Variants in IQGAP2 observed in about 807,000 individuals in gnomAD.
IQGAP2 encodes ras GTPase-activating-like protein IQGAP2.
IQGAP2 carries 173 observed loss-of-function variants against 201.3 expected under a neutral mutation model. The observed-to-expected ratio is 0.86, with a 90% CI of 0.76 to 0.98. The LOEUF (loss-of-function observed/expected upper bound fraction) is 0.98. Among genes scored for constraint, IQGAP2 ranks in the 50% least tolerant of loss-of-function variants. The pLI is 0.00. For synonymous variants in IQGAP2, 675 were observed against 673.9 expected (o/e 1.00, Z -0.03); for missense variants, 1,687 against 1,864.8 (o/e 0.90, Z 1.76).
chr5:76,691,017 A>T (rs1413362247), intron 30 of IQGAP2, among the ~76,000 whole-genome samples: 1 of 152,252 alleles, frequency 6.6e-6, no homozygotes, highest in Non-Finnish European at 1.5e-5. Flanking sequence ...ACCTACAAGG[A>T]TTATATAACT....
intron 9 of IQGAP2, 54 bp downstream of exon 9, chr5:76,592,979 C>T: frequency 8.3e-7 from 1 of 1,207,244 alleles, no homozygotes; most frequent in Non-Finnish European, 1.2e-6. Context: ...TACAGACTTT[C>T]CTTGCCAGAA....
Position 76,658,474 on chromosome 5 carries a change from C to A in IQGAP2, c.2336C>A (p.Pro779Gln). The A allele has an allele frequency of 6.2e-7, 1 of 1,613,740 alleles. No individual in the cohort carries two copies. Among genetic ancestry groups the A allele is most frequent in the South Asian group, 1.1e-5 (1 of 90,984 alleles). The change falls in exon 21 of 36, where the codon CCA becomes CAA. Residue 779 changes from proline to glutamine, a missense_variant. Pro to Gln is a moderately conservative substitution (Grantham distance 76). Coordinates refer to ENST00000274364, the MANE Select transcript of IQGAP2 (RefSeq NM_006633.5). ...GTCACTGCAGTTGGCTCTGAAAACC[C>A]ACCATTAACAGTAATTCGCAAATTT... ...DYKTLVGSEN[P>Q]PLTVIRKFVY...
At chr5:76,493,361 T>A (rs1057351435) in intron 2 of IQGAP2, among the ~76,000 whole-genome samples, 1 of 147,916 alleles carries the variant, frequency 6.8e-6, no homozygotes, top group Non-Finnish European at 1.5e-5. Flanking sequence ...CTCTCACCCC[T>A]ATAAAGCTCC....
In IQGAP2 at chr5:76,430,641, G is replaced by A. The variant is rs567762396; in HGVS notation, c.46+27050G>A. Among the ~76,000 whole-genome samples the A allele has an allele frequency of 3.9e-5, 6 of 152,330 alleles. No homozygotes were observed. The South Asian group carries it at 1.2e-3, about 32-fold the overall frequency. ...CACGTCTCCCCAGATTCAAGGAGAA[G>A]GGACCCACCTCTCACTGGAAGGACT... is the stretch of plus-strand genomic sequence containing the variant. On this transcript the variant is annotated intron_variant, in intron 1 of 35. Transcript: ENST00000274364.
chr5:76,648,000 C>G (rs1373600434), intron 17 of IQGAP2, among the ~76,000 whole-genome samples: 1 of 152,170 alleles, frequency 6.6e-6, no homozygotes, highest in Non-Finnish European at 1.5e-5. Context: ...CCCTCCCTCT[C>G]CCTGCTAGAG....
At chr5:76,638,907 A>G (rs114790677) in intron 16 of IQGAP2, among the ~76,000 whole-genome samples, 2,461 of 152,314 alleles carry the variant, frequency 0.016, 67 homozygotes, top group African/African-American at 0.056. Context: ...GTGGGCAGCC[A>G]TGAAGAAACA....
chr5:76,465,696 G>A (rs1754733924), intron 2 of IQGAP2, among the ~76,000 whole-genome samples: 1 of 152,204 alleles, frequency 6.6e-6, no homozygotes, highest in Non-Finnish European at 1.5e-5. Context: ...CATCATGGTT[G>A]TAGGATACTA....
At chr5:76,706,767 C>T (rs577583397) in intron 35 of IQGAP2, among the ~76,000 whole-genome samples, 64 of 152,336 alleles carry the variant, frequency 4.2e-4, no homozygotes, top group Non-Finnish European at 8.4e-4. Flanking sequence ...TACTTTCATA[C>T]AGCCCTTATC....
At chr5:76,509,984 C>CA (rs1326249697) in intron 2 of IQGAP2, among the ~76,000 whole-genome samples, 3 of 138,080 alleles carry the variant, frequency 2.2e-5, no homozygotes, top group East Asian at 4.3e-4. Flanking sequence ...AATTTTCTTT[C>CA]TTTTTTTTTT....
intron 17 of IQGAP2, 151 bp downstream of exon 17, chr5:76,641,254 AG>A: frequency 1.7e-6 from 1 of 593,270 alleles, no homozygotes; most frequent in Non-Finnish European, 2.9e-6. Flanking sequence ...TACTTCACTA[AG>A]GCTTTAAAAT....
At chr5:76,673,398 T>A (rs773977225) in intron 24 of IQGAP2, 51 bp from the exon 25 acceptor site, 1 of 1,579,226 alleles carries the variant, frequency 6.3e-7, no homozygotes, top group Non-Finnish European at 8.6e-7. Flanking sequence ...GGCAGCAAAA[T>A]TAATGCTTGT....
intron 11 of IQGAP2, among the ~76,000 whole-genome samples, chr5:76,601,546 T>C (rs996570102): frequency 2.6e-5 from 4 of 152,226 alleles, no homozygotes; most frequent in African/African-American, 4.8e-5. Flanking sequence ...TATAAAACAC[T>C]ATAGCGGATC....
chr5:76,446,076 A>G (rs1323738795), intron 1 of IQGAP2, among the ~76,000 whole-genome samples: 1 of 152,166 alleles, frequency 6.6e-6, no homozygotes, highest in African/African-American at 2.4e-5. Context: ...CATTTTGCTT[A>G]TCTGCTTGTC....
intron 11 of IQGAP2, among the ~76,000 whole-genome samples, chr5:76,604,935 G>A (rs1747697247): frequency 6.6e-6 from 1 of 152,102 alleles, no homozygotes; most frequent in Non-Finnish European, 1.5e-5. Flanking sequence ...TCACAACCAA[G>A]AAAACAGTTT....
In IQGAP2 at chr5:76,640,940, T is replaced by C. The variant is rs1213905659; in HGVS notation, c.1931T>C (p.Ile644Thr). 5 of 1,584,066 alleles carry C rather than the reference T, an allele frequency of 3.2e-6. No individual in the cohort carries two copies. The East Asian group carries it at 6.8e-5, about 22-fold the overall frequency. The change falls in exon 17 of 36, where the codon ATT becomes ACT. Residue 644 changes from isoleucine (I) to threonine (T), a missense_variant. By Grantham distance (89) the Ile-to-Thr change is moderately conservative. Coordinates refer to ENST00000274364, the MANE Select transcript of IQGAP2 (RefSeq NM_006633.5). Reference sequence around the variant, plus strand: ...AGAAATATCTCTTGCCAGGACATTATTGAGGAAGTCACAGTAGGTTACATT... The same window carrying C: ...AGAAATATCTCTTGCCAGGACATTACTGAGGAAGTCACAGTAGGTTACATT... ...WLTGKEIEDI[I>T]EEVTVGYIRE...
intron 2 of IQGAP2, among the ~76,000 whole-genome samples, chr5:76,544,621 CTT>C (rs1287260213): frequency 6.6e-6 from 1 of 152,170 alleles, no homozygotes; most frequent in Non-Finnish European, 1.5e-5. Flanking sequence ...AATTGGAACA[CTT>C]TACTTCTTAA....
intron 13 of IQGAP2, 58 bp from the exon 14 acceptor site, chr5:76,627,348 TATTA>T (rs1421553480): frequency 2.1e-5 from 23 of 1,083,960 alleles, no homozygotes; most frequent in East Asian, 7.1e-5. Context: ...CAAAAGCAGT[TATTA>T]ATTCTGTTTC....
intron 1 of IQGAP2, among the ~76,000 whole-genome samples, chr5:76,435,470 T>C (rs1027154210): frequency 1.3e-5 from 2 of 152,150 alleles, no homozygotes; most frequent in African/African-American, 4.8e-5. Context: ...CCAGTTTATG[T>C]TTTTGTATGT....
At chr5:76,704,573 G>A (rs1348169419) in intron 35 of IQGAP2, among the ~76,000 whole-genome samples, 1 of 152,188 alleles carries the variant, frequency 6.6e-6, no homozygotes, top group Non-Finnish European at 1.5e-5. Context: ...AATCAGTAGT[G>A]CATAATCAGA....
Sources: gnomAD v4.1 joint callset for allele counts (sites outside exome capture counted in the v4.1 genomes callset) on GRCh38, gnomAD v4.1.1 for gene constraint, MANE v1.5 for transcripts, NCBI Gene and HGNC (gene_info 2026-07-23, HGNC 2026-07-21) for gene names.